RFTN1: variants seen among roughly 807,000 people sequenced by gnomAD.
The protein encoded by RFTN1 is raftlin, lipid raft linker 1.
RFTN1 carries 26 observed loss-of-function variants against 46.5 expected under a neutral mutation model. The observed-to-expected ratio is 0.56, with a 90% CI of 0.41 to 0.78. The LOEUF is 0.78. Among genes scored for constraint, RFTN1 ranks in the 30% least tolerant of loss-of-function variants. RFTN1 has a pLI of 0.00. For synonymous variants in RFTN1, 261 were observed against 284.2 expected (o/e 0.92, Z 0.82); for missense variants, 693 against 718.7 (o/e 0.96, Z 0.41).
Position 16,509,585 on chromosome 3 carries a change from C to G in RFTN1, c.-9+3857G>C, listed in dbSNP as rs1046385240. Among the ~76,000 whole-genome samples, 2 of 152,064 alleles carry G rather than the reference C, an allele frequency of 1.3e-5. No homozygotes were observed. Among genetic ancestry groups the G allele is most frequent in the African/African-American group, 2.4e-5 (1 of 41,412 alleles). On this transcript the variant is annotated intron_variant, in intron 1 of 9. Coordinates refer to ENST00000334133, the MANE Select transcript of RFTN1 (RefSeq NM_015150.2). The surrounding 1 kb of genome is among the most constrained non-coding windows in gnomAD (Gnocchi z 4.9). ...TGTATTTTATTAACAATATTAAAAT[C>G]AGTAATAAAGAGAACAGTGTTAATA...
intron 2 of RFTN1, 62 bp downstream of exon 2, chr3:16,493,662 TC>T: frequency 6.8e-6 from 4 of 584,298 alleles, no homozygotes; most frequent in Non-Finnish European, 8.5e-6. Flanking sequence ...TGCACCCCCA[TC>T]CCCTGCAGGC....
chr3:16,350,512 G>A (rs2072028769), intron 7 of RFTN1, among the ~76,000 whole-genome samples: 1 of 150,282 alleles, frequency 6.7e-6, no homozygotes. Context: ...TTTTTTAAAG[G>A]AAAAGGCACT....
intron 2 of RFTN1, 90 bp from the exon 3 acceptor site, chr3:16,434,127 G>T: frequency 9.2e-7 from 1 of 1,082,268 alleles, no homozygotes; most frequent in Non-Finnish European, 1.3e-6. Context: ...CCTCGGGGAG[G>T]ATCCTCTAGG....
At chr3:16,363,419 G>A (rs1438386886) in intron 6 of RFTN1, among the ~76,000 whole-genome samples, 2 of 152,124 alleles carry the variant, frequency 1.3e-5, no homozygotes, top group Admixed American at 6.5e-5. Context: ...ATTTTCCCTC[G>A]TACTGTATAA....
In RFTN1 at chr3:16,422,933, G is replaced by A. The variant is rs1326941527; in HGVS notation, c.332+10918C>T. Among the ~76,000 whole-genome samples, 1 of 152,084 alleles carries A rather than the reference G, an allele frequency of 6.6e-6. No homozygotes were observed. Among genetic ancestry groups the A allele is most frequent in the African/African-American group, 2.4e-5 (1 of 41,392 alleles). On this transcript the variant is annotated intron_variant, in intron 3 of 9. Transcript: ENST00000334133. The surrounding 1 kb of genome is among the most constrained non-coding windows in gnomAD (Gnocchi z 4.6). Reference sequence around the variant, plus strand: ...TGTAATCCCAGCACTTTGGGAGGCCGAAGTGGGTGGATCATGAGGTCAGGA... The same window carrying A: ...TGTAATCCCAGCACTTTGGGAGGCCAAAGTGGGTGGATCATGAGGTCAGGA...
Position 16,443,047 on chromosome 3 carries a change from T to C in RFTN1, c.146-9010A>G, listed in dbSNP as rs2075661242. On this transcript the variant is annotated intron_variant, in intron 2 of 9. Coordinates refer to ENST00000334133, the MANE Select transcript of RFTN1 (RefSeq NM_015150.2). The surrounding 1 kb of genome is among the most constrained non-coding windows in gnomAD (Gnocchi z 5.5). ...AATAATGCTGCATGGAGTGCAGATA[T>C]CTCTTCAACATACTGATTTCATTTC... is the stretch of plus-strand genomic sequence containing the variant. Among the ~76,000 whole-genome samples, 1 of 152,248 alleles carries C rather than the reference T, an allele frequency of 6.6e-6. No homozygotes were observed. The highest frequency in any genetic ancestry group is 2.4e-5 in the African/African-American group (1 of 41,466).
At position 16,380,570 on chromosome 3, in the gene RFTN1, G is replaced by T. The variant is rs912913163; in HGVS notation, c.442-2468C>A. On this transcript the variant is annotated intron_variant, in intron 4 of 9. Coordinates refer to ENST00000334133, the MANE Select transcript of RFTN1 (RefSeq NM_015150.2). This position sits in a 1 kb window ranked among gnomAD's most constrained non-coding sequence, Gnocchi z 4.8. ...TGCAAATTTATCCTCTAGGCCAGGG[G>T]TTCTCAAAGTGTGGGCCCCAGACCA... Among the ~76,000 whole-genome samples the T allele has an allele frequency of 1.5e-4, 23 of 152,292 alleles. No individual in the cohort carries two copies. The highest frequency in any genetic ancestry group is 5.5e-4 in the African/African-American group (23 of 41,556).
In RFTN1 at chr3:16,457,313, A is replaced by G. The variant is rs1365553617; in HGVS notation, c.146-23276T>C. Among the ~76,000 whole-genome samples, 2 of 152,322 alleles carry G rather than the reference A, an allele frequency of 1.3e-5. No individual in the cohort carries two copies. Among genetic ancestry groups the G allele is most frequent in the African/African-American group, 4.8e-5 (2 of 41,560 alleles). ...CTGGATTTAGACTTCCTGGGTTCAA[A>G]TCCTGGCTTGGCCTCTTGCCAAGTG... On this transcript the variant is annotated intron_variant, in intron 2 of 9. Coordinates refer to ENST00000334133, the MANE Select transcript of RFTN1 (RefSeq NM_015150.2). The surrounding 1 kb of genome is among the most constrained non-coding windows in gnomAD (Gnocchi z 4.2).
rs1392134442 is a variant in RFTN1, at chr3:16,499,939, T to C, written c.-8-6062A>G. On this transcript the variant is annotated intron_variant, in intron 1 of 9. Transcript: ENST00000334133. The surrounding 1 kb of genome is among the most constrained non-coding windows in gnomAD (Gnocchi z 4.9). ...ATGATAAGTGCAGGAGCCCTGTTAATGAAAAAATGCTTCTCTTTACACATG... is the reference window on the plus strand; with the variant it reads ...ATGATAAGTGCAGGAGCCCTGTTAACGAAAAAATGCTTCTCTTTACACATG... Among the ~76,000 whole-genome samples the C allele has an allele frequency of 6.6e-6, 1 of 152,152 alleles. No individual in the cohort carries two copies. The highest frequency in any genetic ancestry group is 1.5e-5 in the Non-Finnish European group (1 of 68,016).
In RFTN1 at chr3:16,484,827, T is replaced by G. The variant is rs761672731; in HGVS notation, c.145+8898A>C. On this transcript the variant is annotated intron_variant, in intron 2 of 9. Transcript: ENST00000334133. This position sits in a 1 kb window ranked among gnomAD's most constrained non-coding sequence, Gnocchi z 4.6. ...CAAGTGCTTGGTGGCCTAGCAAGTT[T>G]CTTTTATAACTGCTCCAAACTCAAT... 3.3e-5 allele frequency: 5 copies of G among 152,228 alleles called. No individual in the cohort carries two copies. The highest frequency in any genetic ancestry group is 7.3e-5 in the Non-Finnish European group (5 of 68,036). 9.4% of individuals were successfully genotyped at this position (152,228 alleles called of 1,614,324 possible). A position where few individuals can be genotyped will look rare whatever the true frequency, so the allele number is the denominator to read the frequency against.
rs545113450 is a variant in RFTN1 at position 16,334,594 on chromosome 3, G to A, written c.1147-7718C>T. 6.6e-6 allele frequency among the ~76,000 whole-genome samples: 1 copy of A among 152,198 alleles called. No individual in the cohort carries two copies. The highest frequency in any genetic ancestry group is 1.9e-4 in the East Asian group (1 of 5,182). ...AATGGCTGCTCATGTGTTGAGCCGG[G>A]GCATACAGGATGAAGAGGGACAATG... On this transcript the variant is annotated intron_variant, in intron 7 of 9. Coordinates refer to ENST00000334133, the MANE Select transcript of RFTN1 (RefSeq NM_015150.2). The surrounding 1 kb of genome is among the most constrained non-coding windows in gnomAD (Gnocchi z 4.3).
intron 1 of RFTN1, 96 bp from the exon 2 acceptor site, chr3:16,493,973 A>G: frequency 7.4e-7 from 1 of 1,360,526 alleles, no homozygotes; most frequent in Non-Finnish European, 1.0e-6. Context: ...TTCCTGAAGA[A>G]TACATGACAG....
Position 16,370,217 on chromosome 3 carries a change from G to A in RFTN1, c.889C>T (p.Pro297Ser), listed in dbSNP as rs747318674. ...KSHQKCRQYY[P>S]VTIPLHVSKN... is the part of the protein sequence containing the mutation. ...GAGACATGGAGAGGAATGGTGACAG[G>A]GTAGTATTGCCGGCACTTCTGATGG... The change falls in exon 6 of 10, where the codon CCT (proline) becomes TCT (serine). Residue 297 changes from proline (P) to serine (S), a missense_variant. By Grantham distance (74) the Pro-to-Ser change is moderately conservative (BLOSUM62 -1). Coordinates refer to ENST00000334133, the MANE Select transcript of RFTN1 (RefSeq NM_015150.2). This position sits in a 1 kb window ranked among gnomAD's most constrained non-coding sequence, Gnocchi z 5.5. 5.6e-6 allele frequency: 9 copies of A among 1,614,198 alleles called. No homozygotes were observed. The highest frequency in any genetic ancestry group is 7.6e-6 in the Non-Finnish European group (9 of 1,180,034).
intron 2 of RFTN1, among the ~76,000 whole-genome samples, chr3:16,438,907 C>T (rs909800728): frequency 6.6e-5 from 10 of 152,154 alleles, no homozygotes; most frequent in African/African-American, 2.4e-4. Context: ...ACTCCTTAAC[C>T]TCCATGCTCC....
At position 16,329,064 on chromosome 3, in the gene RFTN1, T is replaced by A. The variant is rs531966364; in HGVS notation, c.1147-2188A>T. On this transcript the variant is annotated intron_variant, in intron 7 of 9. Coordinates refer to ENST00000334133, the MANE Select transcript of RFTN1 (RefSeq NM_015150.2). The surrounding 1 kb of genome is among the most constrained non-coding windows in gnomAD (Gnocchi z 4.5). ...ATTGAATGGTGAGGCCTGGTGGGAG[T>A]GTTTAGGTCAGAAGGGCTCCACTCT... Among the ~76,000 whole-genome samples the A allele has an allele frequency of 1.3e-5, 2 of 151,414 alleles. No homozygotes were observed. Among genetic ancestry groups the A allele is most frequent in the East Asian group, 3.9e-4 (2 of 5,146 alleles).
chr3:16,463,347 T>C (rs1360478416), intron 2 of RFTN1, among the ~76,000 whole-genome samples: 1 of 152,188 alleles, frequency 6.6e-6, no homozygotes, highest in Non-Finnish European at 1.5e-5. Flanking sequence ...TTGTCTCTTA[T>C]GCTTTTTTCT....
Position 16,450,127 on chromosome 3 carries a change from G to A in RFTN1, c.146-16090C>T, listed in dbSNP as rs527711084. 6.6e-6 allele frequency among the ~76,000 whole-genome samples: 1 copy of A among 152,278 alleles called. No homozygotes were observed. Among genetic ancestry groups the A allele is most frequent in the East Asian group, 1.9e-4 (1 of 5,182 alleles). Reference sequence around the variant, plus strand: ...ATTTGTAAAATTAAATGTGCAAACAGAAAATATTTCTCTGAAAGAGTCATA... The same window carrying A: ...ATTTGTAAAATTAAATGTGCAAACAAAAAATATTTCTCTGAAAGAGTCATA... On this transcript the variant is annotated intron_variant, in intron 2 of 9. Transcript: ENST00000334133. The surrounding 1 kb of genome is among the most constrained non-coding windows in gnomAD (Gnocchi z 4.6).
intron 2 of RFTN1, among the ~76,000 whole-genome samples, chr3:16,485,222 A>C (rs2076428770): frequency 6.6e-6 from 1 of 152,226 alleles, no homozygotes; most frequent in Non-Finnish European, 1.5e-5. Flanking sequence ...AATGTTCAAC[A>C]GGAAAATGAT....
chr3:16,321,848 T>C lies in RFTN1; in HGVS notation c.1332+1528A>G, dbSNP rs924343761. 6.6e-6 allele frequency among the ~76,000 whole-genome samples: 1 copy of C among 152,172 alleles called. No individual in the cohort carries two copies. The highest frequency in any genetic ancestry group is 1.5e-5 in the Non-Finnish European group (1 of 68,018). On this transcript the variant is annotated intron_variant, in intron 9 of 9. Transcript: ENST00000334133. This position sits in a 1 kb window ranked among gnomAD's most constrained non-coding sequence, Gnocchi z 4.8. ...CTTATTACAGCAGCTTTTACAAATC[T>C]ATCTCTAAAGTCTCCCTGCCGACTC...
Sources: allele counts gnomAD v4.1 joint callset (sites outside exome capture counted in the v4.1 genomes callset), GRCh38; gene constraint gnomAD v4.1.1; non-coding constraint Gnocchi (gnomAD v3.1); transcripts MANE v1.5; gene names NCBI Gene and HGNC (gene_info 2026-07-23, HGNC 2026-07-21).